Variants in SLC25A21 observed in about 807,000 individuals in gnomAD.
The protein encoded by SLC25A21 is mitochondrial 2-oxodicarboxylate carrier.
In SLC25A21, 47 loss-of-function variants were observed where a neutral mutation model predicts 43.8. The ratio of observed to expected loss-of-function variants is 1.07; its 90% CI spans 0.85 to 1.37. SLC25A21 has a LOEUF of 1.37. Ranked by LOEUF, SLC25A21 falls within the 40% of genes most tolerant of loss-of-function variation. The probability of loss-of-function intolerance (pLI) is 0.00; values close to 1 mark genes in which losing one functional copy is unlikely to be tolerated. For synonymous variants in SLC25A21, 131 were observed against 121.3 expected, an observed-to-expected ratio of 1.08 and a Z score of -0.52; for missense variants, 352 against 350.2, an observed-to-expected ratio of 1.00 and a Z score of -0.04.
chr14:37,105,373 A>T (rs1962891573), intron 1 of SLC25A21, among the ~76,000 whole-genome samples: 1 of 152,158 alleles, frequency 6.6e-6, no homozygotes, highest in Non-Finnish European at 1.5e-5. Context: ...AGGAGTCCTG[A>T]CTAAGGAGGT....
chr14:37,011,518 G>A lies in SLC25A21; in HGVS notation c.71-136514C>T, dbSNP rs150374422. Reference sequence around the variant, plus strand: ...TCAAACATTCTACTTTTACATATCTGTTATTAACTGGGAGGCAATACAGCA... The same window carrying A: ...TCAAACATTCTACTTTTACATATCTATTATTAACTGGGAGGCAATACAGCA... On this transcript the variant is annotated intron_variant, in intron 1 of 9. Coordinates refer to ENST00000331299, the MANE Select transcript of SLC25A21 (RefSeq NM_030631.4). Among the ~76,000 whole-genome samples the A allele has an allele frequency of 6.4e-3, 973 of 152,286 alleles. 12 individuals are homozygous for A. The highest frequency in any genetic ancestry group is 0.021 in the African/African-American group (854 of 41,554).
At chr14:36,928,299 A>G (rs1939404763) in intron 1 of SLC25A21, among the ~76,000 whole-genome samples, 1 of 152,226 alleles carries the variant, frequency 6.6e-6, no homozygotes, top group Non-Finnish European at 1.5e-5. Flanking sequence ...TGATTTACTT[A>G]AGGAATAATG....
chr14:36,710,960 C>T (rs1184708304), intron 7 of SLC25A21, among the ~76,000 whole-genome samples: 1 of 152,126 alleles, frequency 6.6e-6, no homozygotes, highest in Non-Finnish European at 1.5e-5. Flanking sequence ...GAAAGTTATG[C>T]TCCTGAGATA....
At chr14:37,123,010 C>T (rs752686253) in intron 1 of SLC25A21, among the ~76,000 whole-genome samples, 2 of 152,154 alleles carry the variant, frequency 1.3e-5, no homozygotes, top group African/African-American at 2.4e-5. Context: ...TGAAGTGAAA[C>T]GTACGCTCTA....
At chr14:36,687,285 C>T (rs992770354) in intron 7 of SLC25A21, among the ~76,000 whole-genome samples, 2 of 152,132 alleles carry the variant, frequency 1.3e-5, no homozygotes, top group Non-Finnish European at 2.9e-5. Flanking sequence ...CCCAGCACAA[C>T]AGTAAGATCC....
intron 1 of SLC25A21, among the ~76,000 whole-genome samples, chr14:37,034,039 T>C (rs891869543): frequency 1.5e-4 from 23 of 151,480 alleles, no homozygotes; most frequent in East Asian, 1.4e-3. Context: ...TTTTTTGAGA[T>C]GGAGTCTCAC....
intron 3 of SLC25A21, among the ~76,000 whole-genome samples, chr14:36,812,240 T>C (rs1479366866): frequency 1.3e-5 from 2 of 152,128 alleles, no homozygotes; most frequent in South Asian, 2.1e-4. Context: ...AGGAGATACA[T>C]GTCAGTGACA....
intron 7 of SLC25A21, among the ~76,000 whole-genome samples, chr14:36,709,887 G>T (rs1883759065): frequency 6.6e-6 from 1 of 152,046 alleles, no homozygotes; most frequent in Non-Finnish European, 1.5e-5. Context: ...GAAACTGCCT[G>T]CTCGTGAAAA....
chr14:37,162,166 T>C (rs1281161879), intron 1 of SLC25A21, among the ~76,000 whole-genome samples: 1 of 152,080 alleles, frequency 6.6e-6, no homozygotes, highest in Non-Finnish European at 1.5e-5. Flanking sequence ...GAGCCAACCC[T>C]GCCGACGAAA....
chr14:36,906,015 G>A (rs1891524889), intron 1 of SLC25A21, among the ~76,000 whole-genome samples: 2 of 152,286 alleles, frequency 1.3e-5, no homozygotes, highest in South Asian at 2.1e-4. Context: ...ATAAAGCAGT[G>A]AGTCTTTCCC....
chr14:37,132,749 A>T (rs1360423726), intron 1 of SLC25A21, among the ~76,000 whole-genome samples: 1 of 150,088 alleles, frequency 6.7e-6, no homozygotes, highest in Non-Finnish European at 1.5e-5. Flanking sequence ...TTTTTTTTTA[A>T]GACAGGGTCT....
chr14:36,958,507 A>C (rs1959398550), intron 1 of SLC25A21, among the ~76,000 whole-genome samples: 1 of 152,198 alleles, frequency 6.6e-6, no homozygotes, highest in Non-Finnish European at 1.5e-5. Flanking sequence ...CACTAGTCAG[A>C]GACAAGCTTC....
intron 1 of SLC25A21, among the ~76,000 whole-genome samples, chr14:36,933,659 C>CT (rs1892348178): frequency 6.6e-6 from 1 of 152,156 alleles, no homozygotes; most frequent in Non-Finnish European, 1.5e-5. Context: ...TCACCAGCCT[C>CT]CACATCAGAA....
chr14:37,001,633 A>G (rs1490248077), intron 1 of SLC25A21, among the ~76,000 whole-genome samples: 1 of 150,072 alleles, frequency 6.7e-6, no homozygotes, highest in Non-Finnish European at 1.5e-5. Flanking sequence ...TTGTTTGTTC[A>G]TTCCTTCCTT....
intron 1 of SLC25A21, among the ~76,000 whole-genome samples, chr14:36,912,979 C>CT (rs367973849): frequency 5.9e-5 from 9 of 151,584 alleles, no homozygotes; most frequent in Admixed American, 2.0e-4. Flanking sequence ...AACCTTTCTC[C>CT]TTTTTTTTTC....
chr14:37,105,949 G>A (rs963424326), intron 1 of SLC25A21, among the ~76,000 whole-genome samples: 5 of 152,052 alleles, frequency 3.3e-5, no homozygotes, highest in Non-Finnish European at 5.9e-5. Flanking sequence ...CTGGAGCCGC[G>A]GCAGAGAAAC....
chr14:37,120,908 C>A (rs2138890739), intron 1 of SLC25A21, among the ~76,000 whole-genome samples: 1 of 152,272 alleles, frequency 6.6e-6, no homozygotes, highest in Non-Finnish European at 1.5e-5. Context: ...TCCTTCCACT[C>A]TTTCCTCTTA....
chr14:36,986,774 T>C (rs1960156650), intron 1 of SLC25A21, among the ~76,000 whole-genome samples: 1 of 152,170 alleles, frequency 6.6e-6, no homozygotes, highest in African/African-American at 2.4e-5. Context: ...TCTTTGTTTC[T>C]TTATTTCTTT....
At chr14:36,788,075 T>C (rs1887315523) in intron 3 of SLC25A21, among the ~76,000 whole-genome samples, 1 of 152,238 alleles carries the variant, frequency 6.6e-6, no homozygotes. Flanking sequence ...GTACTCTGTT[T>C]ATTTCTCAAG....
Sources: gnomAD v4.1 joint callset for allele counts (sites outside exome capture counted in the v4.1 genomes callset) on GRCh38, gnomAD v4.1.1 for gene constraint, MANE v1.5 for transcripts, NCBI Gene and HGNC (gene_info 2026-07-23, HGNC 2026-07-21) for gene names.